APBA1: variants seen among roughly 807,000 people sequenced by gnomAD.
APBA1 encodes amyloid beta precursor protein binding family A member 1, also known as amyloid-beta A4 precursor protein-binding family A member 1.
A neutral mutation model predicts 86.6 loss-of-function variants in APBA1; 55 were observed. That is an observed-to-expected ratio of 0.64 (90% CI 0.51 to 0.80). The LOEUF (loss-of-function observed/expected upper bound fraction) is 0.80, where lower values mean the gene tolerates loss of function less well. Ranked by LOEUF, APBA1 falls within the 30% of genes least tolerant of loss-of-function variation. APBA1 has a pLI of 0.00. For synonymous variants in APBA1, 511 were observed against 493.9 expected (o/e 1.03, Z -0.46); for missense variants, 1,090 against 1,183.0 (o/e 0.92, Z 1.15).
At chr9:69,565,806 C>T (rs1837016983) in intron 1 of APBA1, among the ~76,000 whole-genome samples, 1 of 152,204 alleles carries the variant, frequency 6.6e-6, no homozygotes, top group Non-Finnish European at 1.5e-5. Context: ...CGTTCTCCTC[C>T]CCTGTCTTTG....
In APBA1 at chr9:69,457,149, A is replaced by G. The variant is rs1426793562; in HGVS notation, c.1516-10T>C. Reference sequence around the variant, plus strand: ...ATTCGCCTTCAGGAGCCTGAGAAGAAAAAATGCACCAAGAGAAAGTTTGAC... The same window carrying G: ...ATTCGCCTTCAGGAGCCTGAGAAGAGAAAATGCACCAAGAGAAAGTTTGAC... On this transcript the variant is annotated splice_polypyrimidine_tract_variant and intron_variant, in intron 6 of 12. Coordinates refer to ENST00000265381, the MANE Select transcript of APBA1 (RefSeq NM_001163.4). 2 of 1,611,830 alleles carry G rather than the reference A, an allele frequency of 1.2e-6. No individual in the cohort carries two copies. The highest frequency in any genetic ancestry group is 1.7e-6 in the Non-Finnish European group (2 of 1,177,974).
intron 1 of APBA1, among the ~76,000 whole-genome samples, chr9:69,605,190 A>C (rs987521956): frequency 5.9e-5 from 9 of 152,224 alleles, no homozygotes; most frequent in African/African-American, 2.2e-4. Flanking sequence ...ATATTTATAT[A>C]GAATTTTACC....
intron 1 of APBA1, among the ~76,000 whole-genome samples, chr9:69,557,699 A>G (rs1045027255): frequency 6.6e-6 from 1 of 152,232 alleles, no homozygotes; most frequent in Non-Finnish European, 1.5e-5. Context: ...TGTTCAAACC[A>G]GAAGCCATAG....
chr9:69,579,852 C>T (rs73647256), intron 1 of APBA1, among the ~76,000 whole-genome samples: 9,261 of 152,226 alleles, frequency 0.061, 348 homozygotes, highest in African/African-American at 0.094. Context: ...TTGATTCTTG[C>T]TCATTTTATC....
At chr9:69,511,975 A>G (rs1411912414) in intron 2 of APBA1, among the ~76,000 whole-genome samples, 5 of 151,890 alleles carry the variant, frequency 3.3e-5, no homozygotes, top group Admixed American at 3.3e-4. Context: ...CTAATGCTAG[A>G]TGACGAGTTA....
intron 1 of APBA1, among the ~76,000 whole-genome samples, chr9:69,641,648 A>G (rs887738240): frequency 6.6e-6 from 1 of 152,196 alleles, no homozygotes; most frequent in Non-Finnish European, 1.5e-5. Context: ...TGGAAATGAT[A>G]ATCTTTTCAA....
intron 1 of APBA1, among the ~76,000 whole-genome samples, chr9:69,518,794 G>T (rs1836207810): frequency 2.0e-5 from 3 of 152,070 alleles, no homozygotes; most frequent in Admixed American, 6.5e-5. Context: ...GGACTCTCTA[G>T]TAGTGAGATG....
chr9:69,659,778 C>A (rs1308214191), intron 1 of APBA1, among the ~76,000 whole-genome samples: 2 of 152,160 alleles, frequency 1.3e-5, no homozygotes, highest in African/African-American at 2.4e-5. Flanking sequence ...ATAGCAGTAA[C>A]AATTTATGTC....
rs59971271 is a variant in APBA1, at chr9:69,457,672, A to G, written c.1515+484T>C. ...GCCACCCCATTAAGAAAGAGCCCCA[A>G]TGCCTCAACGTCCCAGGAGTAGTAG... On this transcript the variant is annotated intron_variant, in intron 6 of 12. Transcript: ENST00000265381. 3.1e-3 allele frequency among the ~76,000 whole-genome samples: 468 copies of G among 152,262 alleles called. 1 individual carries two copies. Among genetic ancestry groups the G allele is most frequent in the African/African-American group, 0.01 (432 of 41,550 alleles).
At chr9:69,625,628 G>C (rs1225282588) in intron 1 of APBA1, among the ~76,000 whole-genome samples, 1 of 152,148 alleles carries the variant, frequency 6.6e-6, no homozygotes. Context: ...GCCACTCACA[G>C]ACTCAATTAG....
intron 1 of APBA1, among the ~76,000 whole-genome samples, chr9:69,651,119 T>C (rs968596588): frequency 6.6e-6 from 1 of 152,210 alleles, no homozygotes; most frequent in African/African-American, 2.4e-5. Context: ...TAATAACATG[T>C]ATGTATCTTA....
chr9:69,530,329 TAC>T lies in APBA1; in HGVS notation c.-69-13052_-69-13051del, dbSNP rs1215038586. ...GTGTATATATATATATATATATATA[TAC>T]ACACACACACACACACACACACACA... On this transcript the variant is annotated intron_variant, in intron 1 of 12. Coordinates refer to ENST00000265381, the MANE Select transcript of APBA1 (RefSeq NM_001163.4). 6.0e-3 allele frequency among the ~76,000 whole-genome samples: 766 copies of T among 127,538 alleles called. 5 individuals are homozygous for T. The highest frequency in any genetic ancestry group is 0.019 in the African/African-American group (655 of 34,200). 83.7% of individuals were successfully genotyped at this position (127,538 alleles called of 152,430 possible). A position where few individuals can be genotyped will look rare whatever the true frequency, so the allele number is the denominator to read the frequency against.
chr9:69,468,333 C>A (rs1835313462), intron 4 of APBA1, among the ~76,000 whole-genome samples: 1 of 152,214 alleles, frequency 6.6e-6, no homozygotes, highest in Non-Finnish European at 1.5e-5. Context: ...TACTGTCACC[C>A]AGGTGGTATC....
At chr9:69,491,868 G>A (rs58534303) in intron 2 of APBA1, among the ~76,000 whole-genome samples, 1 of 150,834 alleles carries the variant, frequency 6.6e-6, no homozygotes, top group African/African-American at 2.4e-5. Flanking sequence ...AGGTTCAAGC[G>A]ATTCTCCTGC....
chr9:69,575,137 C>T lies in APBA1; in HGVS notation c.-69-57858G>A, dbSNP rs1821760916. ...TTCAACATGTTGCCCAGGCTGGTTG[C>T]AAACTCCTGGGCTCAAGCAATCCAC... On this transcript the variant is annotated intron_variant, in intron 1 of 12. Transcript: ENST00000265381. 2.0e-5 allele frequency among the ~76,000 whole-genome samples: 3 copies of T among 152,200 alleles called. No homozygotes were observed. In the South Asian group the frequency reaches 6.2e-4, roughly 32 times the overall value.
At chr9:69,635,632 G>A (rs1286698768) in intron 1 of APBA1, among the ~76,000 whole-genome samples, 1 of 151,866 alleles carries the variant, frequency 6.6e-6, no homozygotes, top group Non-Finnish European at 1.5e-5. Flanking sequence ...CACACAGACT[G>A]AAAATAAAGG....
intron 1 of APBA1, among the ~76,000 whole-genome samples, chr9:69,557,637 G>A (rs534520646): frequency 5.3e-5 from 8 of 152,316 alleles, no homozygotes; most frequent in African/African-American, 1.9e-4. Flanking sequence ...AGATGGAAAG[G>A]CAGCAGCAGG....
intron 1 of APBA1, among the ~76,000 whole-genome samples, chr9:69,671,547 T>G (rs1823949154): frequency 6.6e-6 from 1 of 152,114 alleles, no homozygotes; most frequent in Non-Finnish European, 1.5e-5. Context: ...TCTTAGCCGG[T>G]GACATCAAGT....
intron 1 of APBA1, among the ~76,000 whole-genome samples, chr9:69,556,266 TA>T (rs1255988017): frequency 6.6e-6 from 1 of 152,166 alleles, no homozygotes; most frequent in Non-Finnish European, 1.5e-5. Flanking sequence ...TATCTGGATC[TA>T]AAACAAAATC....
Sources: gnomAD v4.1 joint callset for allele counts (sites outside exome capture counted in the v4.1 genomes callset) on GRCh38, gnomAD v4.1.1 for gene constraint, MANE v1.5 for transcripts, NCBI Gene and HGNC (gene_info 2026-07-23, HGNC 2026-07-21) for gene names.